NEBL: variants seen among roughly 807,000 people sequenced by gnomAD.
NEBL encodes LIM and SH3 protein 2.
In NEBL, 122 loss-of-function variants were observed where a neutral mutation model predicts 140.2. The ratio of observed to expected loss-of-function variants is 0.87; its 90% CI spans 0.75 to 1.01. The LOEUF is 1.01. NEBL is among the 50% of genes least tolerant of loss of function. NEBL has a pLI of 0.00. For synonymous variants in NEBL, 436 were observed against 398.9 expected (o/e 1.09, Z -1.11); for missense variants, 1,365 against 1,231.3 (o/e 1.11, Z -1.62).
chr10:21,110,307 C>T (rs910643294), intron 2 of NEBL, among the ~76,000 whole-genome samples: 7 of 152,036 alleles, frequency 4.6e-5, no homozygotes, highest in Admixed American at 1.3e-4. Context: ...GTTTTTATAA[C>T]GGTAATGTTC....
intron 4 of NEBL, among the ~76,000 whole-genome samples, chr10:20,929,111 G>A (rs1834052578): frequency 6.6e-6 from 1 of 151,800 alleles, no homozygotes; most frequent in Admixed American, 6.6e-5. Context: ...CCCGCTACTG[G>A]GTATCTACCC....
intron 2 of NEBL, among the ~76,000 whole-genome samples, chr10:21,091,425 T>G (rs1230766989): frequency 6.6e-6 from 1 of 152,216 alleles, no homozygotes; most frequent in East Asian, 1.9e-4. Flanking sequence ...ATGTTCTTTC[T>G]ATCACAATGA....
chr10:21,141,384 T>A (rs1305568359), intron 2 of NEBL, among the ~76,000 whole-genome samples: 1 of 152,130 alleles, frequency 6.6e-6, no homozygotes, highest in African/African-American at 2.4e-5. Context: ...CTTACCTCAA[T>A]GGTTTCAGGA....
chr10:20,838,550 A>G (rs150634204), intron 13 of NEBL, among the ~76,000 whole-genome samples: 190 of 152,336 alleles, frequency 1.2e-3, no homozygotes, highest in African/African-American at 4.4e-3. Context: ...GGATACTACA[A>G]AAACTTTGTC....
chr10:21,078,661 T>G (rs962963861), intron 2 of NEBL, among the ~76,000 whole-genome samples: 3 of 152,196 alleles, frequency 2.0e-5, no homozygotes, highest in Non-Finnish European at 2.9e-5. Context: ...TTTTGATTGT[T>G]TAATAAAGAA....
chr10:20,921,690 T>C (rs916960974), intron 4 of NEBL, among the ~76,000 whole-genome samples: 1 of 152,122 alleles, frequency 6.6e-6, no homozygotes, highest in Non-Finnish European at 1.5e-5. Flanking sequence ...TAAGTGGGTT[T>C]ACTTTGTTTC....
intron 2 of NEBL, chr10:21,020,259 T>G: frequency 2.8e-6 from 4 of 1,444,858 alleles, no homozygotes; most frequent in South Asian, 1.1e-5. Flanking sequence ...AAACAACACT[T>G]TCACACCCAT....
At chr10:20,963,039 C>T (rs74120573) in intron 3 of NEBL, among the ~76,000 whole-genome samples, 50 of 150,174 alleles carry the variant, frequency 3.3e-4, no homozygotes, top group African/African-American at 1.1e-3. Context: ...CACACACACA[C>T]ACACACACGG....
At chr10:20,970,426 C>G (rs1359312485) in intron 3 of NEBL, among the ~76,000 whole-genome samples, 1 of 152,070 alleles carries the variant, frequency 6.6e-6, no homozygotes, top group Non-Finnish European at 1.5e-5. Flanking sequence ...ATCACTTGAG[C>G]CCAGGAGTTC....
chr10:20,961,775 T>C (rs1378095458), exon 4 of NEBL: 2 of 1,612,296 alleles, frequency 1.2e-6, no homozygotes, highest in East Asian at 2.2e-5. Context: ...TCTTTTGTAC[T>C]TGACCTAACA....
At chr10:21,247,690 C>T (rs1588560534) in intron 3 of NEBL, 1 of 152,212 alleles carries the variant, frequency 6.6e-6, no homozygotes, top group East Asian at 1.9e-4. Context: ...TATGAATTTA[C>T]CTATTCTAGG....
chr10:20,792,932 T>C (rs1836142378), intron 26 of NEBL, among the ~76,000 whole-genome samples: 1 of 152,178 alleles, frequency 6.6e-6, no homozygotes, highest in Non-Finnish European at 1.5e-5. Flanking sequence ...GAGAGTTTCA[T>C]GTCAAAGCCT....
chr10:21,083,637 G>C (rs1836487853), intron 2 of NEBL, among the ~76,000 whole-genome samples: 1 of 152,118 alleles, frequency 6.6e-6, no homozygotes, highest in Admixed American at 6.5e-5. Flanking sequence ...TTGAGCTCAG[G>C]AGTTCGAGAA....
chr10:21,156,454 A>G (rs1840340803), intron 2 of NEBL, among the ~76,000 whole-genome samples: 2 of 152,238 alleles, frequency 1.3e-5, no homozygotes, highest in South Asian at 4.1e-4. Context: ...TTTTCAAAAC[A>G]CACATTAATT....
chr10:21,124,731 T>C (rs766990349), intron 2 of NEBL, among the ~76,000 whole-genome samples: 30 of 152,202 alleles, frequency 2.0e-4, no homozygotes, highest in South Asian at 1.0e-3. Flanking sequence ...GGTGGGAGGA[T>C]TGCTTGAAGG....
At chr10:21,282,479 GC>G (rs1843005296) in intron 1 of NEBL, among the ~76,000 whole-genome samples, 1 of 152,064 alleles carries the variant, frequency 6.6e-6, no homozygotes, top group Non-Finnish European at 1.5e-5. Context: ...TCATACCTTT[GC>G]CACCAGATCA....
rs1339572460 is a variant in NEBL at position 21,002,434 on chromosome 10, T to C, written c.249+17683A>G. 7.2e-5 allele frequency among the ~76,000 whole-genome samples: 11 copies of C among 152,302 alleles called. No homozygotes were observed. The East Asian group carries it at 1.9e-3, about 27-fold the overall frequency. ...TTTACCATGTCAAAGGTCTGTTAGA[T>C]GATATTTGTATTTTATTACAGAAAT... On this transcript the variant is annotated intron_variant, in intron 3 of 6. Transcript: ENST00000417816.
At chr10:21,204,113 AG>A (rs1841786578) in intron 3 of NEBL, among the ~76,000 whole-genome samples, 2 of 152,190 alleles carry the variant, frequency 1.3e-5, no homozygotes, top group Admixed American at 1.3e-4. Flanking sequence ...AAATGTCAGT[AG>A]GGGTCTTCAA....
Position 20,919,024 on chromosome 10 carries a change from T to C in NEBL, c.357+42648A>G, listed in dbSNP as rs546744615. Among the ~76,000 whole-genome samples the C allele has an allele frequency of 3.3e-4, 51 of 152,270 alleles. 1 individual carries two copies. The highest frequency in any genetic ancestry group is 1.2e-3 in the African/African-American group (50 of 41,564). ...TCAGTAGTAGAATTCTGGAATATTTTTTCCTTTGGTATTACTATTACTCAT... is the reference window on the plus strand; with the variant it reads ...TCAGTAGTAGAATTCTGGAATATTTCTTCCTTTGGTATTACTATTACTCAT... On this transcript the variant is annotated intron_variant, in intron 4 of 6. Transcript: ENST00000417816.
Sources: gnomAD v4.1 joint callset for allele counts (sites outside exome capture counted in the v4.1 genomes callset) on GRCh38, gnomAD v4.1.1 for gene constraint, MANE v1.5 for transcripts, NCBI Gene and HGNC (gene_info 2026-07-23, HGNC 2026-07-21) for gene names.